The following PARP8 variants were observed in gnomAD, a reference collection of about 807,000 sequenced individuals.
PARP8 encodes the protein poly(ADP-ribose) polymerase family member 8.
A neutral mutation model predicts 124.1 loss-of-function variants in PARP8; 51 were observed. That is an observed-to-expected ratio of 0.41 (90% CI 0.33 to 0.52). PARP8 has a LOEUF of 0.52. Ranked by LOEUF, PARP8 falls within the 20% of genes least tolerant of loss-of-function variation. PARP8 has a pLI of 0.21. For synonymous variants in PARP8, 391 were observed against 361.5 expected (o/e 1.08, Z -0.93); for missense variants, 860 against 1,018.9 (o/e 0.84, Z 2.12).
At chr5:50,675,645 T>C (rs114047700) in intron 2 of PARP8, among the ~76,000 whole-genome samples, 6,600 of 152,324 alleles carry the variant, frequency 0.043, 457 homozygotes, top group African/African-American at 0.15. Context: ...GTACAGGTTG[T>C]TATTATCCAA....
chr5:50,800,941 A>T (rs1743142168), intron 14 of PARP8, among the ~76,000 whole-genome samples: 2 of 151,500 alleles, frequency 1.3e-5, no homozygotes, highest in Non-Finnish European at 2.9e-5. Flanking sequence ...AATTTTTTGT[A>T]GAAATGGGGT....
intron 22 of PARP8, 22 bp from the exon 23 acceptor site, chr5:50,832,759 A>G: frequency 1.2e-6 from 2 of 1,612,010 alleles, no homozygotes. Context: ...TCCCTAAATT[A>G]TTATTTTGCC....
At chr5:50,768,224 A>T (rs1031731728) in intron 7 of PARP8, among the ~76,000 whole-genome samples, 3 of 152,190 alleles carry the variant, frequency 2.0e-5, no homozygotes, top group Admixed American at 6.5e-5. Flanking sequence ...TGTGTATGTG[A>T]GTGTCTCACG....
intron 3 of PARP8, among the ~76,000 whole-genome samples, chr5:50,758,232 A>G (rs1760174559): frequency 6.6e-6 from 1 of 152,208 alleles, no homozygotes; most frequent in Admixed American, 6.5e-5. Context: ...CTCGATAAGC[A>G]TGAAAACCTC....
At chr5:50,700,622 CAA>C (rs1270576198) in intron 2 of PARP8, among the ~76,000 whole-genome samples, 5 of 152,134 alleles carry the variant, frequency 3.3e-5, no homozygotes, top group Admixed American at 3.3e-4. Context: ...ATTTACTAAA[CAA>C]TGCTTTAAGG....
intron 2 of PARP8, among the ~76,000 whole-genome samples, chr5:50,691,167 A>G (rs1434721929): frequency 3.9e-5 from 6 of 152,154 alleles, no homozygotes; most frequent in African/African-American, 1.4e-4. Flanking sequence ...GTCTTGAAAA[A>G]CATAAAATTC....
chr5:50,784,083 G>T (rs1274466937), intron 9 of PARP8, among the ~76,000 whole-genome samples: 1 of 152,108 alleles, frequency 6.6e-6, no homozygotes, highest in Admixed American at 6.5e-5. Context: ...TGTGTCTTTG[G>T]AAGGTATCAG....
chr5:50,786,045 C>A (rs1468185719), intron 9 of PARP8, among the ~76,000 whole-genome samples: 5 of 152,082 alleles, frequency 3.3e-5, no homozygotes. Context: ...GCAAATATTT[C>A]TCTTGTCTTA....
chr5:50,805,475 ATATAGG>A (rs1743720523), intron 14 of PARP8, among the ~76,000 whole-genome samples: 1 of 152,058 alleles, frequency 6.6e-6, no homozygotes, highest in African/African-American at 2.4e-5. Context: ...CACCCGGAAA[ATATAGG>A]TAGAAGTTTG....
intron 14 of PARP8, among the ~76,000 whole-genome samples, chr5:50,798,484 G>A (rs1317225807): frequency 1.3e-5 from 2 of 149,976 alleles, no homozygotes; most frequent in Non-Finnish European, 1.5e-5. Flanking sequence ...GCAGTGGCAC[G>A]ATCTCGGCTC....
At chr5:50,758,496 TATTA>T (rs1189235796) in intron 3 of PARP8, among the ~76,000 whole-genome samples, 1 of 152,168 alleles carries the variant, frequency 6.6e-6, no homozygotes, top group Non-Finnish European at 1.5e-5. Context: ...CTTAGAGATG[TATTA>T]ATTAAAAATT....
chr5:50,775,198 A>G (rs1254839703), intron 7 of PARP8, among the ~76,000 whole-genome samples: 3 of 152,170 alleles, frequency 2.0e-5, no homozygotes, highest in Non-Finnish European at 4.4e-5. Context: ...TTGGGAGGCC[A>G]AGCAGGTGGC....
At chr5:50,740,130 T>C (rs1276550500) in intron 2 of PARP8, among the ~76,000 whole-genome samples, 1 of 152,172 alleles carries the variant, frequency 6.6e-6, no homozygotes, top group African/African-American at 2.4e-5. Flanking sequence ...TGGTAGGTGC[T>C]GGAAATACAA....
chr5:50,753,241 A>G (rs1469347123), intron 3 of PARP8, among the ~76,000 whole-genome samples: 1 of 151,986 alleles, frequency 6.6e-6, no homozygotes, highest in East Asian at 1.9e-4. Context: ...ACTTTTAATT[A>G]GAAAGGCTTA....
chr5:50,706,037 A>T (rs1754111588), intron 2 of PARP8, among the ~76,000 whole-genome samples: 1 of 152,174 alleles, frequency 6.6e-6, no homozygotes, highest in Admixed American at 6.5e-5. Flanking sequence ...TTGGATTAAG[A>T]TATGCTCCTG....
At chr5:50,744,616 A>C (rs375457422) in intron 2 of PARP8, 26 of 638,064 alleles carry the variant, frequency 4.1e-5, no homozygotes, top group Non-Finnish European at 6.7e-5. Flanking sequence ...CACACTGTTC[A>C]TATAATATAT....
At chr5:50,751,635 C>T (rs1458414077) in intron 3 of PARP8, among the ~76,000 whole-genome samples, 2 of 152,014 alleles carry the variant, frequency 1.3e-5, no homozygotes, top group Non-Finnish European at 2.9e-5. Context: ...ATTCTCAATG[C>T]CGGTCTGTAG....
At chr5:50,732,424 C>T (rs1038372073) in intron 2 of PARP8, among the ~76,000 whole-genome samples, 9 of 151,988 alleles carry the variant, frequency 5.9e-5, no homozygotes, top group Non-Finnish European at 8.8e-5. Flanking sequence ...TTGCTAAAAA[C>T]GGTTCAAAGA....
At chr5:50,733,928 C>T (rs1338603390) in intron 2 of PARP8, among the ~76,000 whole-genome samples, 1 of 152,130 alleles carries the variant, frequency 6.6e-6, no homozygotes, top group Admixed American at 6.6e-5. Context: ...CCTCCAAAAG[C>T]GTAACTTAAG....
Sources: allele counts gnomAD v4.1 joint callset (sites outside exome capture counted in the v4.1 genomes callset), GRCh38; gene constraint gnomAD v4.1.1; transcripts MANE v1.5; gene names NCBI Gene and HGNC (gene_info 2026-07-23, HGNC 2026-07-21).